Variants in NAV2 observed in about 807,000 individuals in gnomAD.
NAV2 encodes neuron navigator 2, also known as helicase, APC down-regulated 1.
Under a neutral mutation model 223.2 loss-of-function variants are expected in NAV2, and 54 were observed. The ratio of observed to expected loss-of-function variants is 0.24; its 90% CI spans 0.19 to 0.30. The LOEUF is 0.30. Among genes scored for constraint, NAV2 ranks in the 10% least tolerant of loss-of-function variants. The probability of loss-of-function intolerance (pLI) is 1.00; values close to 1 mark genes in which losing one functional copy is unlikely to be tolerated. For missense variants in NAV2, 2,806 were observed against 3,147.5 expected, an observed-to-expected ratio of 0.89 and a Z score of 2.60; for synonymous variants, 1,279 against 1,239.3, an observed-to-expected ratio of 1.03 and a Z score of -0.67.
At chr11:19,569,397 G>A (rs894985315) in intron 1 of NAV2, among the ~76,000 whole-genome samples, 4 of 152,174 alleles carry the variant, frequency 2.6e-5, no homozygotes, top group African/African-American at 9.7e-5. Flanking sequence ...GAGGGCAAAC[G>A]ACCTTGTCTG....
At chr11:19,727,416 C>A (rs1389521751) in intron 1 of NAV2, among the ~76,000 whole-genome samples, 1 of 152,192 alleles carries the variant, frequency 6.6e-6, no homozygotes, top group Non-Finnish European at 1.5e-5. Context: ...GTTCTTGAGT[C>A]CCCCAAATCA....
chr11:19,685,965 T>G (rs549758528), intron 1 of NAV2, among the ~76,000 whole-genome samples: 1 of 134,510 alleles, frequency 7.4e-6, no homozygotes, highest in Non-Finnish European at 1.7e-5. Flanking sequence ...TCCAGAGGCT[T>G]CTCACATCTC....
At chr11:20,095,618 TGAGTCA>T (rs1224838584) in intron 29 of NAV2, 48 bp from the exon 30 acceptor site, 1 of 1,303,194 alleles carries the variant, frequency 7.7e-7, no homozygotes, top group African/African-American at 1.4e-5. Flanking sequence ...TCTGCTGAAC[TGAGTCA>T]GAAAAGATCC....
chr11:19,707,489 T>C (rs532415936), intron 1 of NAV2, among the ~76,000 whole-genome samples: 2 of 152,310 alleles, frequency 1.3e-5, no homozygotes, highest in African/African-American at 4.8e-5. Context: ...ATCACTGTTT[T>C]CCACCTCCAC....
At chr11:19,988,114 T>A (rs1377184562) in intron 11 of NAV2, among the ~76,000 whole-genome samples, 1 of 152,202 alleles carries the variant, frequency 6.6e-6, no homozygotes, top group Non-Finnish European at 1.5e-5. Context: ...AGTGTAAAGA[T>A]CAGCTCTGGG....
At chr11:19,597,694 G>A (rs7930097) in intron 1 of NAV2, among the ~76,000 whole-genome samples, 12,463 of 152,276 alleles carry the variant, frequency 0.082, 1,583 homozygotes, top group African/African-American at 0.28. Flanking sequence ...ACTGATAGTG[G>A]ACCTTTGTCT....
intron 1 of NAV2, among the ~76,000 whole-genome samples, chr11:19,821,135 A>G (rs908071912): frequency 1.1e-4 from 16 of 151,928 alleles, no homozygotes; most frequent in Middle Eastern, 3.2e-3. Context: ...GGTGGCAGGC[A>G]CCTGTAGTCC....
chr11:19,963,797 G>A (rs972239074), intron 10 of NAV2, among the ~76,000 whole-genome samples: 14 of 152,182 alleles, frequency 9.2e-5, no homozygotes, highest in African/African-American at 1.4e-4. Context: ...GGTTCTCTGC[G>A]TGCTGGAAAT....
At chr11:20,096,411 A>T (rs1472126679) in intron 30 of NAV2, among the ~76,000 whole-genome samples, 1 of 152,210 alleles carries the variant, frequency 6.6e-6, no homozygotes, top group African/African-American at 2.4e-5. Context: ...TATTGTCCTG[A>T]AGTAAGTCAA....
intron 3 of NAV2, among the ~76,000 whole-genome samples, chr11:19,843,513 A>C (rs2060615379): frequency 6.6e-6 from 1 of 152,180 alleles, no homozygotes; most frequent in Non-Finnish European, 1.5e-5. Context: ...ATCTTTTAAA[A>C]ATCTGTTCTT....
At chr11:19,872,502 A>C (rs2062575523) in intron 4 of NAV2, among the ~76,000 whole-genome samples, 2 of 152,286 alleles carry the variant, frequency 1.3e-5, no homozygotes, top group Admixed American at 6.5e-5. Context: ...CTAGCAAAGC[A>C]GTGTGGTGTA....
At chr11:19,428,220 G>A (rs1291304250) in intron 1 of NAV2, among the ~76,000 whole-genome samples, 1 of 152,014 alleles carries the variant, frequency 6.6e-6, no homozygotes, top group Non-Finnish European at 1.5e-5. Context: ...TTTTAATATT[G>A]GCAACGAATT....
intron 1 of NAV2, among the ~76,000 whole-genome samples, chr11:19,580,403 AGGG>A (rs1398800833): frequency 6.6e-6 from 1 of 152,072 alleles, no homozygotes; most frequent in Admixed American, 6.5e-5. Context: ...TCCAAGATCA[AGGG>A]GCCCCATTTG....
rs1491089920 is a variant in NAV2 at position 19,859,159 on chromosome 11, T to TA, written c.439-9765dup. 1.7e-3 allele frequency among the ~76,000 whole-genome samples: 213 copies of TA among 121,942 alleles called. 1 individual carries two copies. The highest frequency in any genetic ancestry group is 5.8e-3 in the African/African-American group (190 of 32,780). The allele number at this position is 121,942 out of a possible 152,430, so 80.0% of individuals were successfully genotyped here. ...TCTCTTTTTTTTTTTTTTTTTTTTTTATTGATCATTCTTGGGTGTTTCTCG... is the reference window on the plus strand; with the variant it reads ...TCTCTTTTTTTTTTTTTTTTTTTTTTAATTGATCATTCTTGGGTGTTTCTCG... On this transcript the variant is annotated intron_variant, in intron 3 of 37. Coordinates refer to ENST00000349880, the MANE Select transcript of NAV2 (RefSeq NM_145117.5).
At chr11:19,958,490 G>A (rs1189040822) in intron 10 of NAV2, among the ~76,000 whole-genome samples, 6 of 152,144 alleles carry the variant, frequency 3.9e-5, no homozygotes, top group Non-Finnish European at 5.9e-5. Flanking sequence ...GGTGAGGGTC[G>A]GTGGGAAAAG....
chr11:19,654,317 A>G (rs1405053932), intron 1 of NAV2, among the ~76,000 whole-genome samples: 4 of 152,100 alleles, frequency 2.6e-5, no homozygotes, highest in Admixed American at 1.3e-4. Context: ...CCATACTGCC[A>G]AAGGTAATTT....
At chr11:19,593,481 C>A (rs1451462282) in intron 1 of NAV2, among the ~76,000 whole-genome samples, 3 of 152,110 alleles carry the variant, frequency 2.0e-5, no homozygotes, top group Non-Finnish European at 4.4e-5. Context: ...TTGGCTTTGA[C>A]GTATAAAGCA....
chr11:19,930,360 C>T (rs2045210658), intron 6 of NAV2, among the ~76,000 whole-genome samples: 2 of 152,216 alleles, frequency 1.3e-5, no homozygotes, highest in African/African-American at 4.8e-5. Flanking sequence ...TCTGAGCAAG[C>T]CTCAGAGTAG....
chr11:20,080,237 C>T, intron 25 of NAV2, 28 bp downstream of exon 25: 1 of 1,605,630 alleles, frequency 6.2e-7, no homozygotes, highest in Non-Finnish European at 8.5e-7. Flanking sequence ...CTCCTGGGGA[C>T]TGACGGACAG....
Sources: gnomAD v4.1 joint callset for allele counts (sites outside exome capture counted in the v4.1 genomes callset) on GRCh38, gnomAD v4.1.1 for gene constraint, MANE v1.5 for transcripts, NCBI Gene and HGNC (gene_info 2026-07-23, HGNC 2026-07-21) for gene names.